UBE2D2: variants seen among roughly 807,000 people sequenced by gnomAD.
UBE2D2 encodes ubiquitin-conjugating enzyme E2 D2.
In UBE2D2, 2 loss-of-function variants were observed where a neutral mutation model predicts 24.2. That is an observed-to-expected ratio of 0.08 (90% CI 0.03 to 0.26). The LOEUF is 0.26. UBE2D2 is among the 10% of genes least tolerant of loss of function. The pLI, the probability that UBE2D2 is intolerant of heterozygous loss-of-function variation, is 1.00. For missense variants in UBE2D2, 44 were observed against 177.6 expected, an observed-to-expected ratio of 0.25 and a Z score of 4.28; for synonymous variants, 58 against 56.5, an observed-to-expected ratio of 1.03 and a Z score of -0.12.
chr5:139,587,242 C>A (rs1753748398), intron 1 of UBE2D2, among the ~76,000 whole-genome samples: 1 of 152,126 alleles, frequency 6.6e-6, no homozygotes, highest in Non-Finnish European at 1.5e-5. Context: ...AGCCTTTAGC[C>A]CAATCGGGAG....
At chr5:139,565,519 G>C (rs1290468772) in intron 1 of UBE2D2, among the ~76,000 whole-genome samples, 2 of 152,136 alleles carry the variant, frequency 1.3e-5, no homozygotes, top group Non-Finnish European at 2.9e-5. Context: ...TTGAGTGCCT[G>C]CCTCTAGCAG....
At chr5:139,590,679 G>T (rs1462026030) in intron 1 of UBE2D2, among the ~76,000 whole-genome samples, 1 of 150,104 alleles carries the variant, frequency 6.7e-6, no homozygotes, top group East Asian at 2.0e-4. Context: ...GTATTAATCA[G>T]TTCTGGGAGG....
chr5:139,557,321 A>G (rs970155222), upstream of UBE2D2, among the ~76,000 whole-genome samples: 1 of 150,404 alleles, frequency 6.6e-6, no homozygotes, highest in Non-Finnish European at 1.5e-5. Context: ...TTTTTAGTAG[A>G]GACATGTTTC....
chr5:139,590,125 G>A (rs974835977), intron 1 of UBE2D2, among the ~76,000 whole-genome samples: 4 of 152,108 alleles, frequency 2.6e-5, no homozygotes, highest in Non-Finnish European at 4.4e-5. Context: ...CCTAATACTC[G>A]TGTATAAAAA....
intron 1 of UBE2D2, among the ~76,000 whole-genome samples, chr5:139,533,777 A>T (rs990973944): frequency 8.8e-5 from 13 of 148,106 alleles, no homozygotes; most frequent in Non-Finnish European, 1.3e-4. Flanking sequence ...AGCATAAATT[A>T]AAAAACATCT....
chr5:139,569,516 C>T (rs1753307714), intron 1 of UBE2D2, among the ~76,000 whole-genome samples: 1 of 152,108 alleles, frequency 6.6e-6, no homozygotes, highest in African/African-American at 2.4e-5. Flanking sequence ...CAGCCTCATC[C>T]CAGAAATGCA....
chr5:139,532,951 T>A (rs2126627399), intron 1 of UBE2D2, among the ~76,000 whole-genome samples: 1 of 151,346 alleles, frequency 6.6e-6, no homozygotes, highest in East Asian at 2.0e-4. Context: ...TACTAAAAAA[T>A]ACAAAAATTA....
chr5:139,577,939 G>T (rs748294224), intron 1 of UBE2D2, among the ~76,000 whole-genome samples: 38 of 152,318 alleles, frequency 2.5e-4, no homozygotes, highest in Middle Eastern at 3.4e-3. Flanking sequence ...ACTAAGGAGG[G>T]ATTCAGCTGG....
chr5:139,615,255 C>T (rs556943773), intron 5 of UBE2D2, among the ~76,000 whole-genome samples: 11 of 152,218 alleles, frequency 7.2e-5, no homozygotes, highest in Middle Eastern at 3.4e-3. Context: ...GAGGCCGAGG[C>T]GGGCAGATCA....
chr5:139,543,924 A>C (rs1008562768), intron 1 of UBE2D2, among the ~76,000 whole-genome samples: 10 of 152,218 alleles, frequency 6.6e-5, no homozygotes, highest in African/African-American at 2.4e-4. Flanking sequence ...GAGCCATTGA[A>C]GGCAGCAGGA....
At chr5:139,600,652 C>T (rs1754052253) in intron 2 of UBE2D2, among the ~76,000 whole-genome samples, 1 of 152,184 alleles carries the variant, frequency 6.6e-6, no homozygotes, top group African/African-American at 2.4e-5. Context: ...TCCTACCTTA[C>T]CTTCATCCCT....
chr5:139,578,362 G>C (rs1370995219), intron 1 of UBE2D2, among the ~76,000 whole-genome samples: 2 of 151,940 alleles, frequency 1.3e-5, no homozygotes, highest in Admixed American at 6.6e-5. Context: ...TTCCTGTCCT[G>C]TCTCTCTCAT....
At chr5:139,550,646 G>A (rs954911142) in intron 1 of UBE2D2, among the ~76,000 whole-genome samples, 2 of 151,946 alleles carry the variant, frequency 1.3e-5, no homozygotes, top group Admixed American at 6.6e-5. Context: ...GAGTTTATGA[G>A]CTGTAACACT....
At chr5:139,625,447 T>TTC (rs1478091664) in intron 6 of UBE2D2, among the ~76,000 whole-genome samples, 1 of 66,136 alleles carries the variant, frequency 1.5e-5, no homozygotes, top group African/African-American at 5.8e-5. Flanking sequence ...CCCCTTTTTT[T>TTC]TTTTTTTTTT....
At chr5:139,585,935 CA>C (rs60277561) in intron 1 of UBE2D2, among the ~76,000 whole-genome samples, 3,765 of 25,450 alleles carry the variant, frequency 0.15, 49 homozygotes, top group African/African-American at 0.31. Flanking sequence ...GACTCTGTCT[CA>C]AAAAAAAAAA....
intron 1 of UBE2D2, among the ~76,000 whole-genome samples, chr5:139,527,412 C>T (rs183238672): frequency 1.3e-5 from 2 of 152,224 alleles, no homozygotes; most frequent in Admixed American, 6.5e-5. Context: ...TGAACAAGGT[C>T]TTATTAATAG....
chr5:139,528,931 C>T (rs1752569638), intron 1 of UBE2D2, among the ~76,000 whole-genome samples: 1 of 152,102 alleles, frequency 6.6e-6, no homozygotes, highest in Non-Finnish European at 1.5e-5. Context: ...GATGACAAGC[C>T]CTGCTCCAGT....
intron 1 of UBE2D2, among the ~76,000 whole-genome samples, chr5:139,590,837 C>T (rs775382915): frequency 9.4e-5 from 13 of 138,046 alleles, no homozygotes; most frequent in Non-Finnish European, 1.4e-4. Context: ...CTCTGTCGCC[C>T]AGGCTGGAGT....
At chr5:139,552,975 C>T (rs943704191) in intron 1 of UBE2D2, among the ~76,000 whole-genome samples, 1 of 152,030 alleles carries the variant, frequency 6.6e-6, no homozygotes. Context: ...AGCCACCGCA[C>T]CCGGCCTCTA....
Sources: gnomAD v4.1 joint callset for allele counts (sites outside exome capture counted in the v4.1 genomes callset) on GRCh38, gnomAD v4.1.1 for gene constraint, MANE v1.5 for transcripts, NCBI Gene and HGNC (gene_info 2026-07-23, HGNC 2026-07-21) for gene names.